DLGAP1: variants seen among roughly 807,000 people sequenced by gnomAD.
DLGAP1 encodes the protein disks large-associated protein 1.
In DLGAP1, 11 loss-of-function variants were observed where a neutral mutation model predicts 90.8. The observed-to-expected ratio is 0.12, with a 90% CI of 0.08 to 0.20. The LOEUF is 0.20. Among genes scored for constraint, DLGAP1 ranks in the 10% least tolerant of loss-of-function variants. DLGAP1 has a pLI of 1.00. For synonymous variants in DLGAP1, 558 were observed against 540.7 expected (o/e 1.03, Z -0.44); for missense variants, 1,050 against 1,333.8 (o/e 0.79, Z 3.31).
At chr18:3,966,005 AG>A (rs2073322400) in intron 3 of DLGAP1, among the ~76,000 whole-genome samples, 1 of 151,234 alleles carries the variant, frequency 6.6e-6, no homozygotes, top group Non-Finnish European at 1.5e-5. Flanking sequence ...GCCTGCTTGG[AG>A]TTAACAATGT....
At chr18:3,724,665 AGGC>A (rs1310103830) in intron 7 of DLGAP1, among the ~76,000 whole-genome samples, 1 of 152,066 alleles carries the variant, frequency 6.6e-6, no homozygotes, top group Non-Finnish European at 1.5e-5. Context: ...GGATCACTTG[AGGC>A]GGAGGTTGCA....
intron 1 of DLGAP1, among the ~76,000 whole-genome samples, chr18:4,159,605 C>T (rs1476497406): frequency 1.3e-5 from 2 of 152,114 alleles, no homozygotes; most frequent in Admixed American, 1.3e-4. Flanking sequence ...CATCTGATAT[C>T]TTTGGCACCT....
intron 7 of DLGAP1, among the ~76,000 whole-genome samples, chr18:3,683,321 T>C (rs946895019): frequency 2.6e-5 from 4 of 152,142 alleles, no homozygotes; most frequent in African/African-American, 7.2e-5. Flanking sequence ...AAGAGATCAA[T>C]TTAGTATCTC....
intron 3 of DLGAP1, among the ~76,000 whole-genome samples, chr18:3,992,881 C>T (rs981239050): frequency 3.3e-5 from 5 of 152,090 alleles, no homozygotes; most frequent in East Asian, 1.9e-4. Context: ...AGAAAAGGAA[C>T]GCTGGCAATT....
intron 1 of DLGAP1, among the ~76,000 whole-genome samples, chr18:4,396,519 G>C (rs892532996): frequency 1.3e-5 from 2 of 152,188 alleles, no homozygotes; most frequent in African/African-American, 4.8e-5. Context: ...CCTTTCCCAG[G>C]AATCAAAGTA....
chr18:4,336,944 CAAAAAA>C (rs78000211), intron 1 of DLGAP1, among the ~76,000 whole-genome samples: 1 of 117,824 alleles, frequency 8.5e-6, no homozygotes, highest in Admixed American at 9.0e-5. Flanking sequence ...ACTGAAAATA[CAAAAAA>C]AAAAAAAAAA....
chr18:3,731,658 C>T (rs2062436012), intron 6 of DLGAP1, among the ~76,000 whole-genome samples: 1 of 151,916 alleles, frequency 6.6e-6, no homozygotes, highest in South Asian at 2.1e-4. Flanking sequence ...ATCCTCCCAC[C>T]TCCACCTCCC....
At chr18:3,898,085 C>T (rs564911055) in intron 3 of DLGAP1, among the ~76,000 whole-genome samples, 19 of 152,250 alleles carry the variant, frequency 1.2e-4, no homozygotes, top group African/African-American at 3.6e-4. Flanking sequence ...TGAGCCACTG[C>T]GCCCGGCCGA....
intron 7 of DLGAP1, among the ~76,000 whole-genome samples, chr18:3,693,928 C>T (rs1274590512): frequency 6.6e-6 from 1 of 152,026 alleles, no homozygotes; most frequent in Non-Finnish European, 1.5e-5. Context: ...ATGTGCAGAA[C>T]GTGCAGGTTT....
intron 1 of DLGAP1, among the ~76,000 whole-genome samples, chr18:4,318,841 G>A (rs1225438997): frequency 6.6e-6 from 1 of 152,122 alleles, no homozygotes; most frequent in Non-Finnish European, 1.5e-5. Context: ...ATTTTACAGG[G>A]CTTCTGGTTA....
rs557738370 is a variant in DLGAP1, at chr18:4,267,665, G to A, written c.-266-116378C>T. Among the ~76,000 whole-genome samples the A allele has an allele frequency of 7.9e-5, 12 of 152,330 alleles. No individual in the cohort carries two copies. The South Asian group carries it at 2.3e-3, about 29-fold the overall frequency. ...CTCACCCAATTTGAGGTTTGGGATT[G>A]TGGGAGCAGTTTAGTTGGGTGGTTC... On this transcript the variant is annotated intron_variant, in intron 1 of 12. Transcript: ENST00000315677.
chr18:3,695,897 T>TCTC (rs143465897), intron 7 of DLGAP1, among the ~76,000 whole-genome samples: 90,590 of 151,618 alleles, frequency 0.6, 28,634 homozygotes, highest in African/African-American at 0.81. Flanking sequence ...GGTTTGTAGT[T>TCTC]CTTGAAGAGG....
chr18:3,816,712 C>T (rs776819722), intron 4 of DLGAP1, among the ~76,000 whole-genome samples: 10 of 152,270 alleles, frequency 6.6e-5, no homozygotes, highest in East Asian at 3.9e-4. Context: ...AATGAGGACA[C>T]TAAAGTTATG....
At chr18:3,768,095 A>G (rs767241113) in intron 5 of DLGAP1, among the ~76,000 whole-genome samples, 2 of 152,162 alleles carry the variant, frequency 1.3e-5, no homozygotes, top group African/African-American at 2.4e-5. Context: ...AACTAAGTGA[A>G]TTCAGCAAAG....
intron 1 of DLGAP1, among the ~76,000 whole-genome samples, chr18:4,392,814 G>C (rs191901836): frequency 1.3e-5 from 2 of 152,116 alleles, no homozygotes; most frequent in Non-Finnish European, 2.9e-5. Flanking sequence ...CTTAGAATGA[G>C]CAAAATAAAA....
intron 1 of DLGAP1, among the ~76,000 whole-genome samples, chr18:4,254,067 G>A (rs954281301): frequency 2.0e-4 from 30 of 152,052 alleles, no homozygotes; most frequent in African/African-American, 7.2e-4. Context: ...AGATCAGCAC[G>A]TTTTTATTCT....
chr18:3,776,788 TTTAA>T (rs1476100657), intron 5 of DLGAP1, among the ~76,000 whole-genome samples: 3 of 152,198 alleles, frequency 2.0e-5, no homozygotes, highest in African/African-American at 7.2e-5. Flanking sequence ...AATTATTTCA[TTTAA>T]TTAATTAATT....
chr18:3,950,394 A>G (rs2072961144), intron 3 of DLGAP1, among the ~76,000 whole-genome samples: 1 of 152,234 alleles, frequency 6.6e-6, no homozygotes, highest in African/African-American at 2.4e-5. Context: ...CTGGAACAAC[A>G]GAGTGTGCCA....
chr18:3,625,651 T>C (rs959668123), intron 7 of DLGAP1, among the ~76,000 whole-genome samples: 6 of 152,214 alleles, frequency 3.9e-5, no homozygotes, highest in African/African-American at 1.4e-4. Context: ...CCTTCATGAT[T>C]GCAATCTAAG....
Sources: allele counts gnomAD v4.1 joint callset (sites outside exome capture counted in the v4.1 genomes callset), GRCh38; gene constraint gnomAD v4.1.1; transcripts MANE v1.5; gene names NCBI Gene and HGNC (gene_info 2026-07-23, HGNC 2026-07-21).